STAT5B: variants seen among roughly 807,000 people sequenced by gnomAD.
STAT5B encodes the protein transcription factor STAT5B.
A neutral mutation model predicts 107.8 loss-of-function variants in STAT5B; 21 were observed. The observed-to-expected ratio is 0.19, with a 90% CI of 0.14 to 0.28. The LOEUF (loss-of-function observed/expected upper bound fraction) is 0.28. STAT5B is among the 10% of genes least tolerant of loss of function. The probability of loss-of-function intolerance (pLI) is 1.00; values close to 1 mark genes in which losing one functional copy is unlikely to be tolerated. For missense variants in STAT5B, 565 were observed against 1,008.2 expected (o/e 0.56, Z 5.95); for synonymous variants, 325 against 401.7 (o/e 0.81, Z 2.28).
rs57356051 is a variant in STAT5B at position 42,207,487 on chromosome 17, GCACACACACACACACACACACA to G, written c.2077+49_2077+70del. ...CAAGAGAGATAACACACGCAGGTAT[GCACACACACACACACACACACA>G]CACACACACACACACAACAAAATCA... On this transcript the variant is annotated intron_variant, in intron 16 of 18. Transcript: ENST00000293328. 8 of 1,198,654 alleles carry G rather than the reference GCACACACACACACACACACACA, an allele frequency of 6.7e-6. No homozygotes were observed. In the East Asian group the frequency reaches 9.8e-5, roughly 15 times the overall value. The allele number at this position is 1,198,654 out of a possible 1,614,324, so 74.3% of individuals were successfully genotyped here. A position where few individuals can be genotyped will look rare whatever the true frequency, so the allele number is the denominator to read the frequency against.
chr17:42,217,486 G>C, intron 9 of STAT5B, 22 bp from the exon 10 acceptor site: 1 of 1,613,788 alleles, frequency 6.2e-7, no homozygotes, highest in Non-Finnish European at 8.5e-7. Context: ...AGAGAGACCA[G>C]CTCCAAACCC....
chr17:42,202,120 T>C (rs372029183), intron 18 of STAT5B: 2 of 650,262 alleles, frequency 3.1e-6, no homozygotes, highest in Non-Finnish European at 2.7e-6. Context: ...AATCTCCATA[T>C]TGAGAGAGGG....
chr17:42,253,107 CCTTTCTTTCTTTCTTT>C (rs3048166), intron 1 of STAT5B, among the ~76,000 whole-genome samples: 4 of 148,424 alleles, frequency 2.7e-5, no homozygotes, highest in South Asian at 2.1e-4. Flanking sequence ...AGACGTTGAA[CCTTTCTTTCTTTCTTT>C]CTTTCTTTCT....
intron 1 of STAT5B, among the ~76,000 whole-genome samples, chr17:42,261,415 T>A (rs2080595448): frequency 6.6e-6 from 1 of 152,210 alleles, no homozygotes; most frequent in Admixed American, 6.5e-5. Context: ...GGATTTAGGT[T>A]TTAAAAGCAC....
chr17:42,231,923 A>G (rs1026205520), intron 2 of STAT5B, 77 bp downstream of exon 2: 5 of 1,594,194 alleles, frequency 3.1e-6, no homozygotes, highest in Non-Finnish European at 4.3e-6. Context: ...GAAAGTTGCC[A>G]TCATGACATC....
chr17:42,241,752 G>A (rs531806595), intron 1 of STAT5B, among the ~76,000 whole-genome samples: 43 of 152,184 alleles, frequency 2.8e-4, no homozygotes, highest in African/African-American at 9.6e-4. Flanking sequence ...CTAGTATAGC[G>A]ATTTTGAGGG....
In STAT5B at chr17:42,232,069, G is replaced by T. The variant is rs935891734; in HGVS notation, c.59C>A (p.Ala20Glu). ...AATGGGAAAATGCTGGCCATATAAC[G>T]CTTGCATCTGATGAAGGGCTTCTCC... ...LQGEALHQMQ[A>E]LYGQHFPIEV... Residue 20 changes from alanine to glutamate, a missense_variant, in exon 2 of 19, where the codon GCG becomes GAG. By Grantham distance (107) the Ala-to-Glu change is moderately radical. Transcript: ENST00000293328. 2.5e-6 allele frequency: 4 copies of T among 1,613,720 alleles called. No homozygotes were observed. The highest frequency in any genetic ancestry group is 3.4e-6 in the Non-Finnish European group (4 of 1,179,912).
chr17:42,278,067 T>G (rs1482198806), upstream of STAT5B, among the ~76,000 whole-genome samples: 2 of 152,184 alleles, frequency 1.3e-5, no homozygotes, highest in Non-Finnish European at 2.9e-5. Context: ...ATGTTTCTCT[T>G]TCTTGTGAGC....
chr17:42,231,725 A>G (rs905754481), intron 2 of STAT5B, among the ~76,000 whole-genome samples: 1 of 152,226 alleles, frequency 6.6e-6, no homozygotes, highest in East Asian at 1.9e-4. Flanking sequence ...CTTTCTTAGC[A>G]GTAATATTCT....
chr17:42,214,826 T>C (rs568645384), intron 12 of STAT5B, among the ~76,000 whole-genome samples: 1 of 152,346 alleles, frequency 6.6e-6, no homozygotes, highest in East Asian at 1.9e-4. Context: ...CTTGGCTCAC[T>C]GCAGCCTGGA....
At chr17:42,262,826 G>GTA (rs1223521324) in intron 1 of STAT5B, among the ~76,000 whole-genome samples, 25 of 117,522 alleles carry the variant, frequency 2.1e-4, no homozygotes, top group East Asian at 8.0e-4. Flanking sequence ...ATATATATGT[G>GTA]TATATATACA....
upstream of STAT5B, among the ~76,000 whole-genome samples, chr17:42,279,040 C>T (rs1252587972): frequency 6.6e-6 from 1 of 151,078 alleles, no homozygotes; most frequent in Non-Finnish European, 1.5e-5. Flanking sequence ...TGTTCAAGAA[C>T]TTATGGCTCA....
chr17:42,255,700 G>A (rs531973718), intron 1 of STAT5B, among the ~76,000 whole-genome samples: 2 of 152,312 alleles, frequency 1.3e-5, no homozygotes, highest in Admixed American at 1.3e-4. Flanking sequence ...ATGAATACAG[G>A]ATTTTAGTTT....
At chr17:42,254,941 A>T (rs9899570) in intron 1 of STAT5B, among the ~76,000 whole-genome samples, 1 of 152,130 alleles carries the variant, frequency 6.6e-6, no homozygotes, top group African/African-American at 2.4e-5. Flanking sequence ...AAATACAAAA[A>T]TTAGCTGGGT....
chr17:42,271,215 G>A (rs1431027768), intron 1 of STAT5B: 2 of 152,214 alleles, frequency 1.3e-5, no homozygotes, highest in Non-Finnish European at 2.9e-5. Context: ...CATATGCAAA[G>A]AAATCCCCTA....
At chr17:42,202,706 G>C (rs113929173) in intron 17 of STAT5B, 51 bp downstream of exon 17, 27 of 1,612,194 alleles carry the variant, frequency 1.7e-5, no homozygotes, top group African/African-American at 1.3e-4. Context: ...GGCAGGGTCT[G>C]GGGGAGGAGG....
chr17:42,262,798 GTGTGTATATATACACACATA>G, intron 1 of STAT5B, among the ~76,000 whole-genome samples: 1 of 103,580 alleles, frequency 9.7e-6, no homozygotes, highest in South Asian at 3.2e-4. Flanking sequence ...ACATATATAT[GTGTGTATATATACACACATA>G]TATATGTGTA....
chr17:42,287,579 T>C, the STAT5B span: 6 of 152,282 alleles, frequency 3.9e-5, no homozygotes, highest in Admixed American at 6.5e-5. Context: ...GCAAGGCCTG[T>C]AGAGAGTTTC....
At position 42,215,982 on chromosome 17, in the gene STAT5B, T is replaced by A. The variant is rs533768409; in HGVS notation, c.1473+32A>T. ...GAGATTCATGACACCGGCATTGATT[T>A]TGGGACCCACATGCCCGAGGAATAC... On this transcript the variant is annotated intron_variant, in intron 12 of 18. Coordinates refer to ENST00000293328, the MANE Select transcript of STAT5B (RefSeq NM_012448.4). 152 of 1,609,560 alleles carry A rather than the reference T, an allele frequency of 9.4e-5. No individual in the cohort carries two copies. In the South Asian group the frequency reaches 1.5e-3, roughly 16 times the overall value.
Sources: allele counts gnomAD v4.1 joint callset (sites outside exome capture counted in the v4.1 genomes callset), GRCh38; gene constraint gnomAD v4.1.1; transcripts MANE v1.5; gene names NCBI Gene and HGNC (gene_info 2026-07-23, HGNC 2026-07-21).